The following CHD6 variants were observed in gnomAD, a reference collection of about 807,000 sequenced individuals.
CHD6 encodes the protein ATP-dependent chromatin remodeler CHD6.
CHD6 carries 50 observed loss-of-function variants against 276.9 expected under a neutral mutation model. The observed-to-expected ratio is 0.18, with a 90% CI of 0.14 to 0.23. The LOEUF is 0.23. Ranked by LOEUF, CHD6 falls within the 10% of genes least tolerant of loss-of-function variation. The probability of loss-of-function intolerance (pLI) is 1.00; values close to 1 mark genes in which losing one functional copy is unlikely to be tolerated. For synonymous variants in CHD6, 1,173 were observed against 1,229.3 expected, an observed-to-expected ratio of 0.95 and a Z score of 0.96; for missense variants, 2,564 against 3,365.8, an observed-to-expected ratio of 0.76 and a Z score of 5.89.
intron 34 of CHD6, 137 bp from the exon 35 acceptor site, chr20:41,413,652 T>A: frequency 1.4e-6 from 1 of 725,604 alleles, no homozygotes; most frequent in Non-Finnish European, 2.2e-6. Flanking sequence ...GTGCCTGAAT[T>A]AGAACCCTAC....
At chr20:41,577,334 T>C (rs568628512) in intron 1 of CHD6, among the ~76,000 whole-genome samples, 1 of 152,346 alleles carries the variant, frequency 6.6e-6, no homozygotes, top group Non-Finnish European at 1.5e-5. Context: ...GGTGGCCGCT[T>C]TGTAACAAGC....
In CHD6 at chr20:41,556,324, AC is replaced by A. The variant is rs1478254443; in HGVS notation, c.-23-4965del. 1.1e-3 allele frequency among the ~76,000 whole-genome samples: 75 copies of A among 70,046 alleles called. 2 individuals are homozygous for A. Among genetic ancestry groups the A allele is most frequent in the Non-Finnish European group, 1.5e-3 (64 of 43,374 alleles). The allele number at this position is 70,046 out of a possible 152,430, so 46.0% of individuals were successfully genotyped here. ...TGGGGAGACGGGAGAGGGAGAGGGCACCTTTTTTTTTTTTTTTTTGAGACAG... is the reference window on the plus strand; with the variant it reads ...TGGGGAGACGGGAGAGGGAGAGGGCACTTTTTTTTTTTTTTTTTGAGACAG... On this transcript the variant is annotated intron_variant, in intron 1 of 36. Coordinates refer to ENST00000373233, the MANE Select transcript of CHD6 (RefSeq NM_032221.5).
intron 1 of CHD6, among the ~76,000 whole-genome samples, chr20:41,552,068 G>T (rs577655158): frequency 9.2e-5 from 14 of 152,048 alleles, no homozygotes; most frequent in Non-Finnish European, 1.9e-4. Flanking sequence ...AAAGTGTGTC[G>T]GGGCATTTCA....
At chr20:41,550,130 A>G (rs1252375818) in intron 2 of CHD6, among the ~76,000 whole-genome samples, 1 of 152,194 alleles carries the variant, frequency 6.6e-6, no homozygotes, top group East Asian at 1.9e-4. Context: ...CAGCAGCATA[A>G]TATTCCACTA....
intron 27 of CHD6, among the ~76,000 whole-genome samples, chr20:41,427,689 G>C (rs1023710812): frequency 6.6e-6 from 1 of 152,186 alleles, no homozygotes; most frequent in African/African-American, 2.4e-5. Context: ...AACCTCCTTT[G>C]CCTGGGCCAG....
At chr20:41,501,135 C>T (rs959968872) in intron 5 of CHD6, among the ~76,000 whole-genome samples, 1 of 152,174 alleles carries the variant, frequency 6.6e-6, no homozygotes, top group Non-Finnish European at 1.5e-5. Flanking sequence ...TACCTCATTT[C>T]CTTCCTAAAT....
chr20:41,432,598 G>A (rs955741867), intron 27 of CHD6, among the ~76,000 whole-genome samples: 2 of 151,430 alleles, frequency 1.3e-5, no homozygotes, highest in Non-Finnish European at 2.9e-5. Context: ...TGCCCCCCCC[G>A]ACCTCTGTTC....
At chr20:41,595,458 C>T (rs990989923) in intron 1 of CHD6, among the ~76,000 whole-genome samples, 1 of 152,030 alleles carries the variant, frequency 6.6e-6, no homozygotes, top group Non-Finnish European at 1.5e-5. Flanking sequence ...GGAAGCGGCC[C>T]AAGAAGGATG....
intron 3 of CHD6, among the ~76,000 whole-genome samples, chr20:41,515,572 T>C (rs1435222955): frequency 2.6e-5 from 4 of 152,192 alleles, no homozygotes; most frequent in Non-Finnish European, 5.9e-5. Context: ...AGGCCTTTCC[T>C]GGCCTTCCTA....
chr20:41,451,857 A>G lies in CHD6; in HGVS notation c.3492T>C (p.Asp1164=). The G allele has an allele frequency of 6.2e-7, 1 of 1,614,134 alleles. No homozygotes were observed. Among genetic ancestry groups the G allele is most frequent in the Non-Finnish European group, 8.5e-7 (1 of 1,180,002 alleles). ...FIWELITPTK[D]GQAQTLQNHS... is the part of the protein sequence containing the mutation. Reference sequence around the variant, plus strand: ...GGTTCTGGAGGGTCTGGGCTTGCCCATCTTTGGTAGGTGTGATCAGTTCCC... The same window carrying G: ...GGTTCTGGAGGGTCTGGGCTTGCCCGTCTTTGGTAGGTGTGATCAGTTCCC... Residue 1164 remains aspartate (D), a synonymous_variant, in exon 22 of 37, where the codon GAT becomes GAC. Coordinates refer to ENST00000373233, the MANE Select transcript of CHD6 (RefSeq NM_032221.5).
At chr20:41,605,611 A>T (rs2045819222) in intron 1 of CHD6, among the ~76,000 whole-genome samples, 1 of 152,204 alleles carries the variant, frequency 6.6e-6, no homozygotes, top group African/African-American at 2.4e-5. Flanking sequence ...AGTACTAAGG[A>T]GTTTTACACA....
At chr20:41,408,702 T>C (rs1274295828) in intron 36 of CHD6, among the ~76,000 whole-genome samples, 2 of 152,158 alleles carry the variant, frequency 1.3e-5, no homozygotes, top group African/African-American at 2.4e-5. Context: ...GGGGAGTGTC[T>C]TTCCTTTACA....
intron 16 of CHD6, chr20:41,482,413 C>A: frequency 3.0e-6 from 1 of 338,478 alleles, no homozygotes; most frequent in Non-Finnish European, 5.8e-6. Flanking sequence ...TGTCAGCATA[C>A]CCATAGTTTA....
intron 6 of CHD6, among the ~76,000 whole-genome samples, chr20:41,498,795 ATGTATGTATGTATGTATGTGTG>A (rs1319103104): frequency 7.5e-5 from 6 of 79,524 alleles, no homozygotes; most frequent in African/African-American, 6.2e-4. Context: ...GTATGTATGT[ATGTATGTATGTATGTATGTGTG>A]TGTGTGTGTG....
intron 1 of CHD6, among the ~76,000 whole-genome samples, chr20:41,590,272 C>T (rs181109290): frequency 0.011 from 1,703 of 152,250 alleles, 17 homozygotes; most frequent in Non-Finnish European, 0.018. Flanking sequence ...TAGAAGAAAA[C>T]CTAGGCAATA....
chr20:41,520,939 TA>T (rs1198542860), intron 3 of CHD6, among the ~76,000 whole-genome samples: 1 of 151,360 alleles, frequency 6.6e-6, no homozygotes. Flanking sequence ...AAAGGGAAAA[TA>T]AAAAAGCATG....
intron 1 of CHD6, among the ~76,000 whole-genome samples, chr20:41,556,327 T>C (rs1174508447): frequency 3.5e-5 from 2 of 56,804 alleles, no homozygotes; most frequent in Non-Finnish European, 5.4e-5. Flanking sequence ...AGAGGGCACC[T>C]TTTTTTTTTT....
chr20:41,548,335 T>A (rs2045082634), intron 2 of CHD6, among the ~76,000 whole-genome samples: 1 of 152,126 alleles, frequency 6.6e-6, no homozygotes, highest in African/African-American at 2.4e-5. Flanking sequence ...CAAAAACCCA[T>A]CCAACTGAAG....
At chr20:41,574,876 C>T (rs1314896702) in intron 1 of CHD6, among the ~76,000 whole-genome samples, 1 of 152,164 alleles carries the variant, frequency 6.6e-6, no homozygotes, top group African/African-American at 2.4e-5. Context: ...CAAAGGAAAA[C>T]CCCAACTTTC....
Sources: gnomAD v4.1 joint callset for allele counts (sites outside exome capture counted in the v4.1 genomes callset) on GRCh38, gnomAD v4.1.1 for gene constraint, MANE v1.5 for transcripts, NCBI Gene and HGNC (gene_info 2026-07-23, HGNC 2026-07-21) for gene names.